TRIO: variants seen among roughly 807,000 people sequenced by gnomAD.
TRIO encodes triple functional domain protein.
TRIO carries 58 observed loss-of-function variants against 351.9 expected under a neutral mutation model. The ratio of observed to expected loss-of-function variants is 0.16; its 90% confidence interval spans 0.13 to 0.21. The LOEUF (loss-of-function observed/expected upper bound fraction) is 0.21. Ranked by LOEUF, TRIO falls within the 10% of genes least tolerant of loss-of-function variation. TRIO has a pLI of 1.00. For synonymous variants in TRIO, 1,758 were observed against 1,595.7 expected (o/e 1.10, Z -2.42); for missense variants, 3,201 against 4,027.8 (o/e 0.79, Z 5.56).
chr5:14,226,811 C>G (rs192431510), intron 1 of TRIO, among the ~76,000 whole-genome samples: 1 of 152,146 alleles, frequency 6.6e-6, no homozygotes, highest in Non-Finnish European at 1.5e-5. Flanking sequence ...TCCCAGGGTT[C>G]GGAGACGTGG....
intron 1 of TRIO, among the ~76,000 whole-genome samples, chr5:14,231,712 T>G (rs1793441234): frequency 6.6e-6 from 1 of 152,248 alleles, no homozygotes; most frequent in Non-Finnish European, 1.5e-5. Flanking sequence ...ATGATGACCT[T>G]AAAACTTTTA....
intron 9 of TRIO, among the ~76,000 whole-genome samples, chr5:14,319,382 A>G (rs184969525): frequency 1.1e-3 from 172 of 152,314 alleles, no homozygotes; most frequent in Middle Eastern, 6.8e-3. Flanking sequence ...TACTGTGACA[A>G]TAGGATGTCA....
Position 14,481,536 on chromosome 5 carries a change from C to T in TRIO, c.6388-5C>T, listed in dbSNP as rs1447671814. On this transcript the variant is annotated splice_region_variant and splice_polypyrimidine_tract_variant and intron_variant, in intron 44 of 56. Coordinates refer to ENST00000344204, the MANE Select transcript of TRIO (RefSeq NM_007118.4). ...GCTTTCACTCTTCTCTCTCCCCTCC[C>T]ACAGAGAGCTGTGGAAGTCATGTGC... is the stretch of plus-strand genomic sequence containing the variant. 1.2e-6 allele frequency: 2 copies of T among 1,614,058 alleles called. No individual in the cohort carries two copies. Among genetic ancestry groups the T allele is most frequent in the Non-Finnish European group, 8.5e-7 (1 of 1,179,970 alleles).
rs1214743058 is a variant in TRIO, at chr5:14,316,478, G to C, written c.1501-35G>C. ...GTGGCACAGCCTAGGCCAAACCTCA[G>C]ATCGTGAAGAATCACTCATTTCTTT... On this transcript the variant is annotated intron_variant, in intron 8 of 56. Transcript: ENST00000344204. 3.1e-6 allele frequency: 5 copies of C among 1,609,934 alleles called. No homozygotes were observed. In the East Asian group the frequency reaches 8.9e-5, roughly 29 times the overall value.
At chr5:14,295,928 G>A (rs1180028141) in intron 6 of TRIO, among the ~76,000 whole-genome samples, 1 of 152,164 alleles carries the variant, frequency 6.6e-6, no homozygotes, top group African/African-American at 2.4e-5. Flanking sequence ...CCAGACAGAG[G>A]CAACTCCACC....
At chr5:14,342,534 A>C (rs1365764752) in intron 11 of TRIO, among the ~76,000 whole-genome samples, 2 of 151,880 alleles carry the variant, frequency 1.3e-5, no homozygotes, top group Non-Finnish European at 2.9e-5. Context: ...GTGGCTTTTT[A>C]CTCTACATGG....
intron 1 of TRIO, among the ~76,000 whole-genome samples, chr5:14,265,288 A>C (rs568403938): frequency 2.6e-5 from 4 of 152,228 alleles, no homozygotes; most frequent in Non-Finnish European, 5.9e-5. Context: ...TCAAATGGTC[A>C]AGGAATAACT....
rs996086974 is a variant in TRIO, at chr5:14,480,137, A to G, written c.6336+126A>G. The G allele has an allele frequency of 3.5e-6, 3 of 852,820 alleles. No individual in the cohort carries two copies. The African/African-American group carries it at 5.1e-5, about 14-fold the overall frequency. The allele number at this position is 852,820 out of a possible 1,614,324, so 52.8% of individuals were successfully genotyped here. ...CTGTGTAACAGGTATATTATTTCTG[A>G]TAAGTTAAACCTTAAAAATTTAAAT... On this transcript the variant is annotated intron_variant, in intron 43 of 56. Transcript: ENST00000344204.
chr5:14,492,402 A>G lies in TRIO; in HGVS notation c.7633-165A>G, dbSNP rs925931338. The G allele has an allele frequency of 4.8e-6, 4 of 836,468 alleles. No individual in the cohort carries two copies. The Admixed American group carries it at 8.8e-5, about 18-fold the overall frequency. The allele number at this position is 836,468 out of a possible 1,614,324, so 51.8% of individuals were successfully genotyped here. A position where few individuals can be genotyped will look rare whatever the true frequency, so the allele number is the denominator to read the frequency against. ...TTCAGTTATTGAAATAGATGCACAC[A>G]GTTAGCCAGAGGGTAAAGGAAATGT... On this transcript the variant is annotated intron_variant, in intron 48 of 56. Transcript: ENST00000344204.
intron 21 of TRIO, among the ~76,000 whole-genome samples, chr5:14,384,894 A>G (rs931216363): frequency 6.6e-6 from 1 of 152,224 alleles, no homozygotes. Context: ...ATTTGCCAGT[A>G]AGAAAGAACT....
At chr5:14,257,279 G>A (rs970560890) in intron 1 of TRIO, among the ~76,000 whole-genome samples, 2 of 152,226 alleles carry the variant, frequency 1.3e-5, no homozygotes, top group Non-Finnish European at 2.9e-5. Flanking sequence ...GCTGCAAAGC[G>A]TTGTGATAGC....
intron 1 of TRIO, among the ~76,000 whole-genome samples, chr5:14,257,405 G>GGA (rs1230991549): frequency 2.2e-4 from 33 of 152,316 alleles, no homozygotes; most frequent in African/African-American, 7.9e-4. Context: ...TCACCATTTG[G>GGA]GAGAGAGGTA....
chr5:14,397,063 G>A lies in TRIO; in HGVS notation c.4332G>A (p.Glu1444=). 1 of 1,607,424 alleles carries A rather than the reference G, an allele frequency of 6.2e-7. No individual in the cohort carries two copies. The highest frequency in any genetic ancestry group is 8.5e-7 in the Non-Finnish European group (1 of 1,177,782). The stretch of plus-strand genomic sequence containing the variant: ...TGCAGGAGCTGCTGACGTGCTGTGA[G>A]GAAGGAAAGGGAGAGATTAAAGATG... ...LLLKELLTCC[E]EGKGEIKDGL... is the part of the protein sequence containing the mutation. The change falls in exon 29 of 57, where the codon GAG becomes GAA. Residue 1444 remains glutamate, a synonymous_variant. Coordinates refer to ENST00000344204, the MANE Select transcript of TRIO (RefSeq NM_007118.4).
intron 7 of TRIO, among the ~76,000 whole-genome samples, chr5:14,300,507 G>A (rs904764688): frequency 1.3e-5 from 2 of 152,180 alleles, no homozygotes; most frequent in African/African-American, 4.8e-5. Context: ...TGCTTGCAGA[G>A]GCTTACCTGC....
At chr5:14,506,715 C>T (rs573785522) in intron 55 of TRIO, among the ~76,000 whole-genome samples, 13 of 152,154 alleles carry the variant, frequency 8.5e-5, no homozygotes, top group African/African-American at 1.4e-4. Flanking sequence ...TACATGATCT[C>T]GGTGAGTCTT....
intron 1 of TRIO, among the ~76,000 whole-genome samples, chr5:14,160,078 A>T (rs1442707386): frequency 6.6e-6 from 1 of 152,270 alleles, no homozygotes; most frequent in Non-Finnish European, 1.5e-5. Context: ...ACATCGCAGA[A>T]GAATTTGTGT....
At chr5:14,187,764 C>G (rs1030220131) in intron 1 of TRIO, among the ~76,000 whole-genome samples, 5 of 151,908 alleles carry the variant, frequency 3.3e-5, no homozygotes, top group Non-Finnish European at 7.4e-5. Context: ...TTAGGTGTTG[C>G]GTTCTGTGGA....
At chr5:14,152,510 C>G (rs1207769602) in intron 1 of TRIO, among the ~76,000 whole-genome samples, 1 of 152,206 alleles carries the variant, frequency 6.6e-6, no homozygotes, top group Non-Finnish European at 1.5e-5. Context: ...GCTGGGATTA[C>G]AGGCGCCCGC....
intron 9 of TRIO, among the ~76,000 whole-genome samples, chr5:14,330,475 G>T (rs976240886): frequency 3.9e-5 from 6 of 152,172 alleles, no homozygotes; most frequent in Non-Finnish European, 7.3e-5. Flanking sequence ...TGGCCCAGTG[G>T]TGCATAGATA....
Sources: allele counts gnomAD v4.1 joint callset (sites outside exome capture counted in the v4.1 genomes callset), GRCh38; gene constraint gnomAD v4.1.1; transcripts MANE v1.5; gene names NCBI Gene and HGNC (gene_info 2026-07-23, HGNC 2026-07-21).